SLC14A2: variants seen among roughly 807,000 people sequenced by gnomAD.
The protein encoded by SLC14A2 is urea transporter 2.
SLC14A2 carries 91 observed loss-of-function variants against 104.6 expected under a neutral mutation model. The ratio of observed to expected loss-of-function variants is 0.87; its 90% CI spans 0.73 to 1.04. SLC14A2 has a LOEUF of 1.04. SLC14A2 is among the 50% of genes least tolerant of loss of function. The pLI is 0.00. For missense variants in SLC14A2, 1,189 were observed against 1,156.0 expected (o/e 1.03, Z -0.41); for synonymous variants, 476 against 466.4 (o/e 1.02, Z -0.27).
At chr18:45,370,811 C>T (rs1057175931) in intron 1 of SLC14A2, among the ~76,000 whole-genome samples, 1 of 152,146 alleles carries the variant, frequency 6.6e-6, no homozygotes, top group African/African-American at 2.4e-5. Flanking sequence ...GTCATCAGAG[C>T]GGCTGGAATT....
At chr18:45,366,756 C>T (rs1483789855) in intron 1 of SLC14A2, among the ~76,000 whole-genome samples, 3 of 152,208 alleles carry the variant, frequency 2.0e-5, no homozygotes, top group East Asian at 3.8e-4. Context: ...ATTGAGGGAA[C>T]TGGCTCAGCT....
chr18:45,489,618 C>T (rs2087681509), intron 2 of SLC14A2, among the ~76,000 whole-genome samples: 1 of 152,086 alleles, frequency 6.6e-6, no homozygotes, highest in South Asian at 2.1e-4. Context: ...TACATTAAGT[C>T]ACAAAGAGAG....
intron 1 of SLC14A2, among the ~76,000 whole-genome samples, chr18:45,465,990 T>C (rs1041176956): frequency 6.6e-6 from 1 of 152,148 alleles, no homozygotes; most frequent in East Asian, 1.9e-4. Context: ...ACTGAGTGCT[T>C]TAAATAATGC....
chr18:45,560,144 C>A (rs1326257619), intron 2 of SLC14A2, among the ~76,000 whole-genome samples: 1 of 152,198 alleles, frequency 6.6e-6, no homozygotes, highest in African/African-American at 2.4e-5. Flanking sequence ...GCATCTACTG[C>A]ATTAGCCAGG....
At chr18:45,438,451 TAAAG>T (rs1414292595) in intron 1 of SLC14A2, 1 of 152,204 alleles carries the variant, frequency 6.6e-6, no homozygotes, top group Non-Finnish European at 1.5e-5. Context: ...AGGGGAAAGT[TAAAG>T]AAAGGCTCAG....
chr18:45,378,914 C>T (rs1232184720), intron 1 of SLC14A2, among the ~76,000 whole-genome samples: 1 of 152,006 alleles, frequency 6.6e-6, no homozygotes, highest in African/African-American at 2.4e-5. Context: ...CCTGGTCGCT[C>T]AATGCATTTT....
At chr18:45,461,404 C>G (rs2087042692) in intron 1 of SLC14A2, among the ~76,000 whole-genome samples, 2 of 152,214 alleles carry the variant, frequency 1.3e-5, no homozygotes, top group South Asian at 4.1e-4. Context: ...AATTGCATTT[C>G]TCTTTCTTCC....
chr18:45,233,580 T>G (rs2084196010), intron 1 of SLC14A2, among the ~76,000 whole-genome samples: 1 of 152,190 alleles, frequency 6.6e-6, no homozygotes. Context: ...TCTGTGGCTC[T>G]GAACAAAAAG....
chr18:45,338,868 C>T (rs1477009138), intron 1 of SLC14A2, among the ~76,000 whole-genome samples: 4 of 151,852 alleles, frequency 2.6e-5, no homozygotes, highest in Admixed American at 6.6e-5. Flanking sequence ...GATAGGGGAC[C>T]GATTGGGTTC....
intron 1 of SLC14A2, among the ~76,000 whole-genome samples, chr18:45,477,365 A>AG (rs113782852): frequency 6.6e-6 from 1 of 152,060 alleles, no homozygotes; most frequent in African/African-American, 2.4e-5. Flanking sequence ...GCTTTGTCCC[A>AG]GGGGGGTACC....
chr18:45,613,464 T>G (rs1259639710), upstream of SLC14A2, among the ~76,000 whole-genome samples: 1 of 152,128 alleles, frequency 6.6e-6, no homozygotes, highest in African/African-American at 2.4e-5. Context: ...TTTGGAGAGC[T>G]CGGAGGAAGA....
rs1011235941 is a variant in SLC14A2, at chr18:45,659,974, A to AG, written c.1352-3811_1352-3810insG. Reference sequence around the variant, plus strand: ...ACACTGGCTCTACAAAAAAAAAAAAAAAAGAAAGAAAAGCCATGCATGGTG... The same window carrying AG: ...ACACTGGCTCTACAAAAAAAAAAAAAGAAAGAAAGAAAAGCCATGCATGGTG... On this transcript the variant is annotated intron_variant, in intron 10 of 19. Coordinates refer to ENST00000255226, the MANE Select transcript of SLC14A2 (RefSeq NM_007163.4). 2.3e-4 allele frequency among the ~76,000 whole-genome samples: 35 copies of AG among 151,464 alleles called. No individual in the cohort carries two copies. The East Asian group carries it at 3.5e-3, about 15-fold the overall frequency.
At chr18:45,404,034 C>T (rs1335604242) in intron 1 of SLC14A2, among the ~76,000 whole-genome samples, 1 of 152,150 alleles carries the variant, frequency 6.6e-6, no homozygotes, top group African/African-American at 2.4e-5. Context: ...TCACACTGTT[C>T]CCACTGCCTG....
chr18:45,612,963 T>C (rs1026081646), upstream of SLC14A2, among the ~76,000 whole-genome samples: 3 of 152,172 alleles, frequency 2.0e-5, no homozygotes, highest in Non-Finnish European at 4.4e-5. Flanking sequence ...TTTCCTCAGG[T>C]CTCCCCAGCA....
At chr18:45,511,399 C>A (rs933049229) in intron 2 of SLC14A2, among the ~76,000 whole-genome samples, 1 of 152,064 alleles carries the variant, frequency 6.6e-6, no homozygotes, top group Non-Finnish European at 1.5e-5. Context: ...AGGAGTGGAT[C>A]CTTTTGGGAT....
At chr18:45,217,553 C>T (rs67388379) in intron 1 of SLC14A2, among the ~76,000 whole-genome samples, 1 of 151,908 alleles carries the variant, frequency 6.6e-6, no homozygotes, top group Non-Finnish European at 1.5e-5. Context: ...GGTTCTCAAT[C>T]AGATTTCATA....
chr18:45,361,724 G>T (rs1356546473), intron 1 of SLC14A2, among the ~76,000 whole-genome samples: 3 of 152,190 alleles, frequency 2.0e-5, no homozygotes, highest in Admixed American at 6.5e-5. Context: ...GGCCAGGGCT[G>T]CTCGGCTTCT....
At chr18:45,536,161 C>T (rs533950290) in intron 2 of SLC14A2, among the ~76,000 whole-genome samples, 58 of 152,270 alleles carry the variant, frequency 3.8e-4, no homozygotes, top group Admixed American at 1.9e-3. Flanking sequence ...GTCTGGAGAG[C>T]ATGGTGGTTG....
In SLC14A2 at chr18:45,276,702, G is replaced by A. The variant is rs560821546; in HGVS notation, c.-125+63511G>A. 8.5e-5 allele frequency among the ~76,000 whole-genome samples: 13 copies of A among 152,230 alleles called. No homozygotes were observed. In the South Asian group the frequency reaches 2.7e-3, roughly 32 times the overall value. On this transcript the variant is annotated intron_variant, in intron 1 of 20. Transcript: ENST00000586448. Reference sequence around the variant, plus strand: ...TAAATTGTATTCCTAAGCACAGATTGGTGACATAGAAATAACTGAATTATC... The same window carrying A: ...TAAATTGTATTCCTAAGCACAGATTAGTGACATAGAAATAACTGAATTATC...
Sources: allele counts gnomAD v4.1 joint callset (sites outside exome capture counted in the v4.1 genomes callset), GRCh38; gene constraint gnomAD v4.1.1; transcripts MANE v1.5; gene names NCBI Gene and HGNC (gene_info 2026-07-23, HGNC 2026-07-21).